Variants in GART observed in about 807,000 individuals in gnomAD.
The protein encoded by GART is trifunctional purine biosynthetic protein adenosine-3.
GART carries 43 observed loss-of-function variants against 107.2 expected under a neutral mutation model. The observed-to-expected ratio is 0.40, with a 90% CI of 0.31 to 0.52. The LOEUF (loss-of-function observed/expected upper bound fraction) is 0.52. Ranked by LOEUF, GART falls within the 20% of genes least tolerant of loss-of-function variation. The probability of loss-of-function intolerance (pLI) is 0.52; values close to 1 mark genes in which losing one functional copy is unlikely to be tolerated. For missense variants in GART, 1,107 were observed against 1,206.5 expected (o/e 0.92, Z 1.22); for synonymous variants, 434 against 427.0 (o/e 1.02, Z -0.20).
chr21:33,523,698 G>GGCTCAC (rs1176265516), intron 11 of GART, among the ~76,000 whole-genome samples: 1 of 152,142 alleles, frequency 6.6e-6, no homozygotes, highest in Non-Finnish European at 1.5e-5. Context: ...CGGGCACGGT[G>GGCTCAC]GCTCACGCCT....
intron 17 of GART, 96 bp from the exon 18 acceptor site, chr21:33,510,016 T>C: frequency 8.9e-7 from 1 of 1,127,940 alleles, no homozygotes; most frequent in South Asian, 1.5e-5. Context: ...TTAGGGTATG[T>C]TTTATCCTGA....
chr21:33,531,589 T>A lies in GART; in HGVS notation c.529-32A>T, dbSNP rs1464057428. 902 of 1,203,294 alleles carry A rather than the reference T, an allele frequency of 7.5e-4. 2 individuals are homozygous for A. Among genetic ancestry groups the A allele is most frequent in the South Asian group, 3.3e-3 (223 of 68,290 alleles). The allele number at this position is 1,203,294 out of a possible 1,614,324, so 74.5% of individuals were successfully genotyped here. A position where few individuals can be genotyped will look rare whatever the true frequency, so the allele number is the denominator to read the frequency against. On this transcript the variant is annotated intron_variant, in intron 5 of 21. Transcript: ENST00000381815. Reference sequence around the variant, plus strand: ...GTAAGATTTTTTTTTTTTTTTTTTTTAAAAAAAGAGGCTTGGTAAGTTTTT... The same window carrying A: ...GTAAGATTTTTTTTTTTTTTTTTTTAAAAAAAAGAGGCTTGGTAAGTTTTT...
chr21:33,530,719 C>G (rs1233976384), intron 7 of GART, 40 bp downstream of exon 7: 33 of 1,362,172 alleles, frequency 2.4e-5, no homozygotes, highest in Non-Finnish European at 3.1e-5. Flanking sequence ...CTGAGAAAAC[C>G]AAACTACTAC....
At chr21:33,516,124 T>C (rs1432128569) in intron 16 of GART, among the ~76,000 whole-genome samples, 1 of 151,668 alleles carries the variant, frequency 6.6e-6, no homozygotes, top group East Asian at 1.9e-4. Flanking sequence ...GGCGGGTGCC[T>C]GTAATCCTAG....
chr21:33,513,662 T>G (rs999150354), intron 16 of GART, among the ~76,000 whole-genome samples: 2 of 152,222 alleles, frequency 1.3e-5, no homozygotes, highest in African/African-American at 4.8e-5. Context: ...TGTCCATTCT[T>G]AATAGTTGAC....
chr21:33,517,998 T>C (rs533759732), intron 14 of GART, among the ~76,000 whole-genome samples: 1 of 152,348 alleles, frequency 6.6e-6, no homozygotes, highest in East Asian at 1.9e-4. Context: ...AGAAGTGACT[T>C]AACTGGGACT....
At chr21:33,527,289 T>G (rs1240613748) in intron 10 of GART, among the ~76,000 whole-genome samples, 3 of 151,904 alleles carry the variant, frequency 2.0e-5, no homozygotes, top group African/African-American at 4.8e-5. Context: ...GAGGATGAGG[T>G]AGGCGGATCA....
At chr21:33,538,262 AGTC>A (rs1240871453) in intron 2 of GART, among the ~76,000 whole-genome samples, 12 of 150,838 alleles carry the variant, frequency 8.0e-5, no homozygotes, top group Non-Finnish European at 1.5e-4. Context: ...AAAAAAAAAA[AGTC>A]AGAGAGAGAT....
chr21:33,517,208 C>T, intron 15 of GART, 67 bp from the exon 16 acceptor site: 2 of 1,561,760 alleles, frequency 1.3e-6, no homozygotes, highest in Non-Finnish European at 1.7e-6. Context: ...AAAAATCAAC[C>T]TGGAGAATGA....
rs571635017 is a variant in GART at position 33,527,674 on chromosome 21, G to T, written c.1066+493C>A. Among the ~76,000 whole-genome samples, 42 of 152,156 alleles carry T rather than the reference G, an allele frequency of 2.8e-4. 1 individual carries two copies. The highest frequency in any genetic ancestry group is 2.6e-3 in the Admixed American group (40 of 15,300). ...GTTTCACCTACTTTATATAAAGAGA[G>T]AGAGAAAAAAAAGAGAAGGATAAAC... is the stretch of plus-strand genomic sequence containing the variant. On this transcript the variant is annotated intron_variant, in intron 10 of 21. Coordinates refer to ENST00000381815, the MANE Select transcript of GART (RefSeq NM_000819.5).
upstream of GART, chr21:33,542,362 A>G (rs1019414226): frequency 2.6e-5 from 4 of 152,366 alleles, no homozygotes; most frequent in Non-Finnish European, 5.9e-5. Flanking sequence ...GGAGCGCCAA[A>G]ATGCTAAACC....
chr21:33,517,870 AGAAT>A (rs10600803), intron 14 of GART, among the ~76,000 whole-genome samples: 1,777 of 152,366 alleles, frequency 0.012, 35 homozygotes, highest in African/African-American at 0.041. Context: ...CTGCTTGCAC[AGAAT>A]GAATGCTCAG....
rs1427654122 is a variant in GART, at chr21:33,517,598, T to C, written c.1713A>G (p.Thr571=). The C allele has an allele frequency of 1.9e-6, 3 of 1,614,102 alleles. No individual in the cohort carries two copies. The highest frequency in any genetic ancestry group is 2.7e-5 in the African/African-American group (2 of 74,944). ...GGGGATACATGTCAGGCATTTCTGC[T>C]GTTTCACCTCCTGGTGGGATAAGAC... ...KAGCALLGGE[T]AEMPDMYPPG... Residue 571 remains threonine, a synonymous_variant, in exon 15 of 22, where the codon ACA becomes ACG. Transcript: ENST00000381815.
chr21:33,535,344 A>AC, intron 2 of GART, 24 bp from the exon 3 acceptor site: 1 of 1,400,188 alleles, frequency 7.1e-7, no homozygotes, highest in Non-Finnish European at 9.6e-7. Context: ...AAAAAAAAAA[A>AC]AAACCACTGC....
At chr21:33,525,606 T>G (rs1394144959) in intron 10 of GART, among the ~76,000 whole-genome samples, 1 of 152,096 alleles carries the variant, frequency 6.6e-6, no homozygotes, top group African/African-American at 2.4e-5. Flanking sequence ...AATTTTTGTA[T>G]TTTTAGTAGA....
chr21:33,537,910 T>A (rs1194982194), intron 2 of GART, among the ~76,000 whole-genome samples: 1 of 152,120 alleles, frequency 6.6e-6, no homozygotes, highest in Admixed American at 6.5e-5. Flanking sequence ...CTTAATGTAG[T>A]ATATGAACTG....
At chr21:33,516,471 G>A (rs535719409) in intron 16 of GART, among the ~76,000 whole-genome samples, 4 of 152,076 alleles carry the variant, frequency 2.6e-5, no homozygotes, top group Admixed American at 2.6e-4. Context: ...CAGTCACCTT[G>A]GAATAAACAC....
At position 33,534,612 on chromosome 21, in the gene GART, G is replaced by C. The variant is rs751996321; in HGVS notation, c.383C>G (p.Thr128Ser). 44 of 1,614,054 alleles carry C rather than the reference G, an allele frequency of 2.7e-5. No individual in the cohort carries two copies. The highest frequency in any genetic ancestry group is 3.5e-5 in the Non-Finnish European group (41 of 1,180,044). The change falls in exon 4 of 22, where the codon ACC (threonine) becomes AGC (serine). Residue 128 changes from threonine (T) to serine (S), a missense_variant. By Grantham distance (58) the Thr-to-Ser change is moderately conservative. Coordinates refer to ENST00000381815, the MANE Select transcript of GART (RefSeq NM_000819.5). ...GIPTAQWKAF[T>S]KPEEACSFIL... ...GAAGCTGCAGGCTTCTTCAGGTTTGGTGAAAGCCTTCCATTGTGCGGTTGG... is the reference window on the plus strand; with the variant it reads ...GAAGCTGCAGGCTTCTTCAGGTTTGCTGAAAGCCTTCCATTGTGCGGTTGG...
At position 33,520,939 on chromosome 21, in the gene GART, G is replaced by C; in HGVS notation, c.1470C>G (p.Ala490=). Residue 490 remains alanine (A), a synonymous_variant, in exon 13 of 22, where the codon GCC becomes GCG. Coordinates refer to ENST00000381815, the MANE Select transcript of GART (RefSeq NM_000819.5). ...KAAGFKDPLL[A]SGTDGVGTKL... ...TAGTTCCAACGCCATCTGTTCCAGA[G>C]GCCAGAAGGGGATCTTTGAAACCAG... The C allele has an allele frequency of 6.2e-7, 1 of 1,614,006 alleles. No homozygotes were observed. The highest frequency in any genetic ancestry group is 8.5e-7 in the Non-Finnish European group (1 of 1,179,970).
Sources: gnomAD v4.1 joint callset for allele counts (sites outside exome capture counted in the v4.1 genomes callset) on GRCh38, gnomAD v4.1.1 for gene constraint, MANE v1.5 for transcripts, NCBI Gene and HGNC (gene_info 2026-07-23, HGNC 2026-07-21) for gene names.